GALNT1: variants seen among roughly 807,000 people sequenced by gnomAD.
GALNT1 encodes the protein polypeptide N-acetylgalactosaminyltransferase 1.
In GALNT1, 17 loss-of-function variants were observed where a neutral mutation model predicts 65.7. The ratio of observed to expected loss-of-function variants is 0.26; its 90% CI spans 0.18 to 0.39. The LOEUF is 0.39. GALNT1 is among the 10% of genes least tolerant of loss of function. The pLI, the probability that GALNT1 is intolerant of heterozygous loss-of-function variation, is 1.00. For missense variants in GALNT1, 460 were observed against 672.8 expected, an observed-to-expected ratio of 0.68 and a Z score of 3.50; for synonymous variants, 210 against 219.7, an observed-to-expected ratio of 0.96 and a Z score of 0.39.
At position 35,597,931 on chromosome 18, in the gene GALNT1, A is replaced by G. The variant is rs150360935; in HGVS notation, c.-104+16069A>G. On this transcript the variant is annotated intron_variant, in intron 1 of 11. Coordinates refer to ENST00000269195, the MANE Select transcript of GALNT1 (RefSeq NM_020474.4). Reference sequence around the variant, plus strand: ...TTCTAGCTGTTTTGAATTATACAATATATCATTGTTAACTATAGTCACCTG... The same window carrying G: ...TTCTAGCTGTTTTGAATTATACAATGTATCATTGTTAACTATAGTCACCTG... Among the ~76,000 whole-genome samples the G allele has an allele frequency of 8.1e-3, 1,229 of 151,076 alleles. 18 individuals carry two copies. The highest frequency in any genetic ancestry group is 0.045 in the East Asian group (230 of 5,114).
chr18:35,693,975 G>A (rs1290821788), intron 9 of GALNT1, among the ~76,000 whole-genome samples: 2 of 152,158 alleles, frequency 1.3e-5, no homozygotes, highest in African/African-American at 4.8e-5. Flanking sequence ...TGAAATAGGA[G>A]AACCTAGAGA....
At chr18:35,632,939 T>A (rs1480025327) in intron 1 of GALNT1, among the ~76,000 whole-genome samples, 1 of 151,990 alleles carries the variant, frequency 6.6e-6, no homozygotes, top group African/African-American at 2.4e-5. Context: ...AAAAGACACA[T>A]GAAAAAATGC....
At chr18:35,702,827 ATG>A in intron 9 of GALNT1, 68 bp from the exon 10 acceptor site, 1 of 992,702 alleles carries the variant, frequency 1.0e-6, no homozygotes, top group Non-Finnish European at 1.5e-6. Flanking sequence ...TTTAGTGTAT[ATG>A]TGTGTGTATC....
In GALNT1 at chr18:35,691,187, C is replaced by A. The variant is rs1292406147; in HGVS notation, c.1154C>A (p.Ser385Tyr). 1 of 1,600,750 alleles carries A rather than the reference C, an allele frequency of 6.2e-7. No homozygotes were observed. Among genetic ancestry groups the A allele is most frequent in the East Asian group, 2.2e-5 (1 of 44,760 alleles). ...TTCAAGAATTTCTTCTATATAATTT[C>A]TCCAGGTTAGCGTTGTTTTGCATTA... ...DEFKNFFYII[S>Y]PGVTKVDYGD... Residue 385 changes from serine (S) to tyrosine (Y), a missense_variant, in exon 8 of 12, where the codon TCT becomes TAT. By Grantham distance (144) the Ser-to-Tyr change is moderately radical (BLOSUM62 -2). Transcript: ENST00000269195.
intron 1 of GALNT1, among the ~76,000 whole-genome samples, chr18:35,632,355 T>C (rs945540504): frequency 6.4e-4 from 97 of 152,136 alleles, no homozygotes; most frequent in African/African-American, 2.1e-3. Flanking sequence ...AACAGAGATA[T>C]AGACCAATGG....
intron 1 of GALNT1, among the ~76,000 whole-genome samples, chr18:35,633,070 A>G (rs918937174): frequency 6.6e-6 from 1 of 152,224 alleles, no homozygotes; most frequent in Non-Finnish European, 1.5e-5. Context: ...TTGTGGAGAA[A>G]TAGGAACACT....
chr18:35,639,238 T>C (rs2047131153), intron 1 of GALNT1, among the ~76,000 whole-genome samples: 1 of 152,132 alleles, frequency 6.6e-6, no homozygotes, highest in African/African-American at 2.4e-5. Context: ...TGTCTTATTT[T>C]AAGAAATTGC....
intron 3 of GALNT1, among the ~76,000 whole-genome samples, chr18:35,677,297 A>G (rs2047724897): frequency 6.6e-6 from 1 of 152,230 alleles, no homozygotes; most frequent in Non-Finnish European, 1.5e-5. Flanking sequence ...CAGATAATAT[A>G]GCTTTATTTC....
intron 1 of GALNT1, among the ~76,000 whole-genome samples, chr18:35,609,108 T>C (rs1323980144): frequency 6.6e-6 from 1 of 152,228 alleles, no homozygotes; most frequent in Non-Finnish European, 1.5e-5. Context: ...AGATTTCTTT[T>C]GGCATTTTTA....
intron 8 of GALNT1, among the ~76,000 whole-genome samples, chr18:35,691,443 T>A (rs1043766457): frequency 2.1e-4 from 32 of 152,268 alleles, no homozygotes; most frequent in African/African-American, 7.0e-4. Flanking sequence ...GATGTTCTAT[T>A]TTTTTTAAAA....
intron 1 of GALNT1, among the ~76,000 whole-genome samples, chr18:35,631,612 CA>C: frequency 6.6e-6 from 1 of 152,218 alleles, no homozygotes; most frequent in Middle Eastern, 3.4e-3. Context: ...ACTGAATGGG[CA>C]AAAACTGGAA....
At chr18:35,708,269 A>T (rs1015390981) in intron 11 of GALNT1, among the ~76,000 whole-genome samples, 5 of 152,164 alleles carry the variant, frequency 3.3e-5, no homozygotes, top group Non-Finnish European at 5.9e-5. Flanking sequence ...TCCCACAGCC[A>T]TGCTGACTCT....
chr18:35,622,894 A>G (rs2046872228), intron 1 of GALNT1, among the ~76,000 whole-genome samples: 1 of 151,916 alleles, frequency 6.6e-6, no homozygotes, highest in South Asian at 2.1e-4. Flanking sequence ...TCTTATTTCT[A>G]GTTTTCCATG....
chr18:35,694,170 ACT>A (rs2048015393), intron 9 of GALNT1, among the ~76,000 whole-genome samples: 1 of 152,120 alleles, frequency 6.6e-6, no homozygotes, highest in African/African-American at 2.4e-5. Context: ...GTTGTTAAAA[ACT>A]CTGTTTTGAA....
Position 35,683,499 on chromosome 18 carries a change from C to G in GALNT1, c.590C>G (p.Ala197Gly). ...SGLIRARLKG[A>G]AVSKGQVITF... ...TTGATCAGAGCTAGATTAAAAGGAG[C>G]TGCTGTGTCTAAAGGCCAAGTGATC... Residue 197 changes from alanine to glycine, a missense_variant, in exon 5 of 12, where the codon GCT (alanine) becomes GGT (glycine). Transcript: ENST00000269195. 1 of 1,613,784 alleles carries G rather than the reference C, an allele frequency of 6.2e-7. No homozygotes were observed. The highest frequency in any genetic ancestry group is 8.5e-7 in the Non-Finnish European group (1 of 1,179,846).
At chr18:35,625,864 A>T (rs1246773381) in intron 1 of GALNT1, among the ~76,000 whole-genome samples, 1 of 152,168 alleles carries the variant, frequency 6.6e-6, no homozygotes, top group African/African-American at 2.4e-5. Context: ...TCTTCGTGTG[A>T]TTAAAAATTA....
intron 11 of GALNT1, among the ~76,000 whole-genome samples, chr18:35,706,918 C>A (rs1246850753): frequency 6.6e-6 from 1 of 151,960 alleles, no homozygotes; most frequent in Non-Finnish European, 1.5e-5. Flanking sequence ...TCAAAGCAAC[C>A]CTAGAAATTA....
intron 10 of GALNT1, among the ~76,000 whole-genome samples, chr18:35,703,201 T>C (rs2144743972): frequency 6.6e-6 from 1 of 152,272 alleles, no homozygotes; most frequent in Middle Eastern, 3.4e-3. Context: ...GAACTATGTT[T>C]ACATTGCTGA....
intron 1 of GALNT1, among the ~76,000 whole-genome samples, chr18:35,630,105 G>C (rs1242479675): frequency 6.6e-6 from 1 of 152,122 alleles, no homozygotes; most frequent in East Asian, 1.9e-4. Context: ...ATAATAATGG[G>C]AGACTTTAAC....
Sources: gnomAD v4.1 joint callset for allele counts (sites outside exome capture counted in the v4.1 genomes callset) on GRCh38, gnomAD v4.1.1 for gene constraint, MANE v1.5 for transcripts, NCBI Gene and HGNC (gene_info 2026-07-23, HGNC 2026-07-21) for gene names.